The following POLR1E variants were observed in gnomAD, a reference collection of about 807,000 sequenced individuals.
POLR1E encodes the protein RNA polymerase I subunit E.
POLR1E carries 37 observed loss-of-function variants against 50.9 expected under a neutral mutation model. The observed-to-expected ratio is 0.73, with a 90% CI of 0.56 to 0.96. The LOEUF is 0.96. Ranked by LOEUF, POLR1E falls within the 40% of genes least tolerant of loss-of-function variation. The pLI, the probability that POLR1E is intolerant of heterozygous loss-of-function variation, is 0.00. For synonymous variants in POLR1E, 166 were observed against 191.6 expected (o/e 0.87, Z 1.10); for missense variants, 426 against 518.1 (o/e 0.82, Z 1.73).
intron 4 of POLR1E, chr9:37,490,603 T>C: frequency 1.4e-6 from 1 of 723,074 alleles, no homozygotes. Context: ...CTTTCTCGGC[T>C]CTTAGAGTGC....
chr9:37,498,443 C>T (rs41313768), intron 9 of POLR1E, among the ~76,000 whole-genome samples: 4,796 of 152,258 alleles, frequency 0.031, 98 homozygotes, highest in Admixed American at 0.039. Flanking sequence ...ATTGGGGCCA[C>T]GTTGGATTAT....
At chr9:37,486,936 TGCCCAGCA>T (rs1300797029) in intron 2 of POLR1E, 130 bp downstream of exon 2, 2 of 1,085,290 alleles carry the variant, frequency 1.8e-6, no homozygotes, top group Non-Finnish European at 2.6e-6. Flanking sequence ...AGAACTCTGA[TGCCCAGCA>T]GCCTGGGATG....
intron 3 of POLR1E, among the ~76,000 whole-genome samples, chr9:37,488,772 CTT>C (rs35148517): frequency 1.4e-5 from 2 of 147,026 alleles, no homozygotes; most frequent in African/African-American, 2.5e-5. Flanking sequence ...CACCTAGTAG[CTT>C]TTTTTTTTTT....
intron 6 of POLR1E, 152 bp downstream of exon 6, chr9:37,493,855 G>A (rs1420262191): frequency 2.9e-5 from 22 of 751,612 alleles, no homozygotes; most frequent in Non-Finnish European, 1.4e-5. Context: ...ACAGGTTCTG[G>A]AAGTAGTAAG....
At chr9:37,498,595 G>A (rs1024674735) in intron 9 of POLR1E, among the ~76,000 whole-genome samples, 15 of 152,336 alleles carry the variant, frequency 9.8e-5, no homozygotes, top group African/African-American at 2.4e-4. Flanking sequence ...GTGTGTGTGT[G>A]TATATATAGA....
At chr9:37,493,944 G>A (rs12115427) in intron 6 of POLR1E, among the ~76,000 whole-genome samples, 6,183 of 152,212 alleles carry the variant, frequency 0.041, 424 homozygotes, top group African/African-American at 0.14. Flanking sequence ...CATGCCTGCC[G>A]TGCTTATGGT....
intron 5 of POLR1E, among the ~76,000 whole-genome samples, chr9:37,493,105 C>T (rs903683985): frequency 6.6e-6 from 1 of 152,202 alleles, no homozygotes; most frequent in African/African-American, 2.4e-5. Flanking sequence ...AAGGTCATCT[C>T]ACCCCAAGAT....
At position 37,490,678 on chromosome 9, in the gene POLR1E, A is replaced by G. The variant is rs1215969884; in HGVS notation, c.343+1278A>G. ...ATCTTGCCCTTGTTTGTTTACAACA[A>G]TGCCAGCAGCATGCTAAACTGTAGA... is the stretch of plus-strand genomic sequence containing the variant. On this transcript the variant is annotated intron_variant, in intron 4 of 11. Transcript: ENST00000377798. 13 of 700,478 alleles carry G rather than the reference A, an allele frequency of 1.9e-5. No individual in the cohort carries two copies. The Admixed American group carries it at 2.0e-4, about 11-fold the overall frequency. 43.4% of individuals were successfully genotyped at this position (700,478 alleles called of 1,614,324 possible).
chr9:37,490,221 G>A lies in POLR1E; in HGVS notation c.343+821G>A, dbSNP rs1467055479. Among the ~76,000 whole-genome samples, 3 of 152,172 alleles carry A rather than the reference G, an allele frequency of 2.0e-5. No individual in the cohort carries two copies. In the East Asian group the frequency reaches 5.8e-4, roughly 29 times the overall value. The stretch of plus-strand genomic sequence containing the variant: ...ACCTGGCCATTTTCTAAACAATCGA[G>A]GAGTTTGTTGCACAATAAGCTACCT... On this transcript the variant is annotated intron_variant, in intron 4 of 11. Coordinates refer to ENST00000377798, the MANE Select transcript of POLR1E (RefSeq NM_022490.4).
Position 37,493,689 on chromosome 9 carries a change from C to A in POLR1E, c.533C>A (p.Thr178Lys). 6.4e-7 allele frequency: 1 copy of A among 1,566,854 alleles called. No homozygotes were observed. Among genetic ancestry groups the A allele is most frequent in the Non-Finnish European group, 8.7e-7 (1 of 1,153,292 alleles). Reference sequence around the variant, plus strand: ...AAAGCTGCAGAGACTATCATTGATACGAAGGGTGTGACTGGTAAGAAGTTG... The same window carrying A: ...AAAGCTGCAGAGACTATCATTGATAAGAAGGGTGTGACTGGTAAGAAGTTG... ...VAKAAETIID[T>K]KGVTALVSDA... Residue 178 changes from threonine (T) to lysine (K), a missense_variant, in exon 6 of 12, where the codon ACG becomes AAG. Thr to Lys is a moderately conservative substitution (Grantham distance 78). Transcript: ENST00000377798.
chr9:37,502,999 A>G, intron 11 of POLR1E, 44 bp from the exon 12 acceptor site: 3 of 1,554,436 alleles, frequency 1.9e-6, no homozygotes, highest in Non-Finnish European at 1.7e-6. Context: ...CTGAACAGTC[A>G]TGTTGAGGGG....
chr9:37,494,170 A>G (rs1174409037), intron 6 of POLR1E, among the ~76,000 whole-genome samples: 1 of 152,220 alleles, frequency 6.6e-6, no homozygotes, highest in Non-Finnish European at 1.5e-5. Flanking sequence ...GTTCAAATAC[A>G]TTATAAGAAC....
At chr9:37,502,949 C>G in intron 11 of POLR1E, 94 bp from the exon 12 acceptor site, 1 of 1,313,256 alleles carries the variant, frequency 7.6e-7, no homozygotes, top group Non-Finnish European at 1.0e-6. Flanking sequence ...GTCTTTATGG[C>G]CTGGAGCATG....
rs758093588 is a variant in POLR1E at position 37,486,736 on chromosome 9, G to A, written c.110G>A (p.Gly37Asp). ...TCCAACGGGAAGCTACAGAGTCCAG[G>A]CAACATGCGCTTTACCTTGTATGAG... is the stretch of plus-strand genomic sequence containing the variant. The part of the protein sequence containing the change: ...QFSNGKLQSP[G>D]NMRFTLYENK... Residue 37 changes from glycine (G) to aspartate (D), a missense_variant, in exon 2 of 12, where the codon GGC (glycine) becomes GAC (aspartate). Transcript: ENST00000377798. The A allele has an allele frequency of 1.9e-6, 3 of 1,614,198 alleles. No individual in the cohort carries two copies. The highest frequency in any genetic ancestry group is 3.3e-5 in the Admixed American group (2 of 60,028).
chr9:37,492,394 G>A (rs1481482560), intron 4 of POLR1E: 2 of 1,082,564 alleles, frequency 1.8e-6, no homozygotes, highest in East Asian at 8.1e-5. Flanking sequence ...TTTCATCTGT[G>A]GGCCTTCTGT....
Position 37,500,962 on chromosome 9 carries a change from A to G in POLR1E, c.968+41A>G, listed in dbSNP as rs374098305. The G allele has an allele frequency of 5.2e-6, 8 of 1,547,070 alleles. No individual in the cohort carries two copies. In the African/African-American group the frequency reaches 6.8e-5, roughly 13 times the overall value. ...CTGGGATTTTTCTTGTGCAGGAGAA[A>G]GTAGGTGGGGGTTGGGAGTGAGGAG... On this transcript the variant is annotated intron_variant, in intron 10 of 11. Coordinates refer to ENST00000377798, the MANE Select transcript of POLR1E (RefSeq NM_022490.4).
chr9:37,491,192 C>T (rs1003661364), intron 4 of POLR1E, among the ~76,000 whole-genome samples: 1 of 152,136 alleles, frequency 6.6e-6, no homozygotes, highest in Non-Finnish European at 1.5e-5. Flanking sequence ...ACTCAAGGGG[C>T]TTCTGTTCCT....
chr9:37,497,278 C>T (rs965258452), intron 8 of POLR1E, among the ~76,000 whole-genome samples: 2 of 152,224 alleles, frequency 1.3e-5, no homozygotes, highest in Non-Finnish European at 2.9e-5. Context: ...TCGCTTGAAC[C>T]CAGGAAGCGG....
rs1240465333 is a variant in POLR1E, at chr9:37,486,712, C to A, written c.86C>A (p.Ser29Tyr). 1 of 1,614,232 alleles carries A rather than the reference C, an allele frequency of 6.2e-7. No individual in the cohort carries two copies. The highest frequency in any genetic ancestry group is 8.5e-7 in the Non-Finnish European group (1 of 1,180,042). ...GSQRAVLVQF[S>Y]NGKLQSPGNM... ...GGCTGCACTCTTACAGTCCAGTTCTCCAACGGGAAGCTACAGAGTCCAGGC... is the reference window on the plus strand; with the variant it reads ...GGCTGCACTCTTACAGTCCAGTTCTACAACGGGAAGCTACAGAGTCCAGGC... The change falls in exon 2 of 12, where the codon TCC becomes TAC. Residue 29 changes from serine to tyrosine, a missense_variant. Transcript: ENST00000377798.
Sources: gnomAD v4.1 joint callset for allele counts (sites outside exome capture counted in the v4.1 genomes callset) on GRCh38, gnomAD v4.1.1 for gene constraint, MANE v1.5 for transcripts, NCBI Gene and HGNC (gene_info 2026-07-23, HGNC 2026-07-21) for gene names.